The following SYTL5 variants were observed in gnomAD, a reference collection of about 807,000 sequenced individuals.
SYTL5 encodes the protein synaptotagmin like 5.
Under a neutral mutation model 55.9 loss-of-function variants are expected in SYTL5, and 34 were observed. The ratio of observed to expected loss-of-function variants is 0.61; its 90% confidence interval spans 0.46 to 0.81. The LOEUF is 0.81. Ranked by LOEUF, SYTL5 falls within the 30% of genes least tolerant of loss-of-function variation. SYTL5 has a pLI of 0.00. For synonymous variants in SYTL5, 221 were observed against 188.7 expected, an observed-to-expected ratio of 1.17 and a Z score of -1.40; for missense variants, 637 against 546.7, an observed-to-expected ratio of 1.17 and a Z score of -1.65.
chrX:38,035,111 A>G (rs1935065432), intron 2 of SYTL5, among the ~76,000 whole-genome samples: 1 of 112,600 alleles, frequency 8.9e-6, no homozygotes, highest in African/African-American at 3.2e-5. Context: ...TTAAGAGCCC[A>G]GAAGCTTCAT....
intron 2 of SYTL5, among the ~76,000 whole-genome samples, chrX:38,047,863 G>C (rs1234563669): frequency 9.0e-6 from 1 of 111,180 alleles, no homozygotes; most frequent in African/African-American, 3.3e-5. Flanking sequence ...CTCTAGGGCA[G>C]GGGAAAAATG....
intron 5 of SYTL5, among the ~76,000 whole-genome samples, chrX:38,074,148 G>GA (rs1936333083): frequency 1.8e-5 from 2 of 111,357 alleles, no homozygotes; most frequent in African/African-American, 3.3e-5. Flanking sequence ...GCTTCCTTAA[G>GA]AAAAAAAGTC....
chrX:37,993,518 AC>A, the SYTL5 span, among the ~76,000 whole-genome samples: 1 of 112,488 alleles, frequency 8.9e-6, no homozygotes, highest in African/African-American at 3.2e-5. Flanking sequence ...TAAAATCATA[AC>A]ACTCAAACAC....
intron 1 of SYTL5, among the ~76,000 whole-genome samples, chrX:38,008,541 A>G (rs771979746): frequency 8.9e-6 from 1 of 111,869 alleles, no homozygotes; most frequent in East Asian, 2.8e-4. Context: ...CTGAAAGATT[A>G]TCTAAAATAG....
intron 6 of SYTL5, among the ~76,000 whole-genome samples, chrX:38,088,532 T>C (rs1167867516): frequency 8.9e-6 from 1 of 112,347 alleles, no homozygotes; most frequent in African/African-American, 3.2e-5. Context: ...TATGTTGACT[T>C]ATGAAGCTCA....
chrX:38,053,583 G>C (rs73465459), intron 2 of SYTL5, among the ~76,000 whole-genome samples: 11,071 of 111,781 alleles, frequency 0.099, 869 homozygotes, highest in Admixed American at 0.23. Flanking sequence ...GCAGTCTACA[G>C]CCATACCACT....
At chrX:38,020,141 A>G (rs186726375) in intron 1 of SYTL5, among the ~76,000 whole-genome samples, 63 of 110,625 alleles carry the variant, frequency 5.7e-4, no homozygotes, top group African/African-American at 2.0e-3. Context: ...GTAGCCTAGC[A>G]TGATAATTAT....
At chrX:38,023,239 C>T (rs973679755) in intron 1 of SYTL5, among the ~76,000 whole-genome samples, 2 of 112,048 alleles carry the variant, frequency 1.8e-5, no homozygotes, top group African/African-American at 3.2e-5. Flanking sequence ...TCTCCATCTT[C>T]CCTATTGTTT....
rs1370954493 is a variant in SYTL5 at position 38,127,236 on chromosome X, T to G, written c.*506T>G. ...GATTGTCCTGTTATTGCAGCAAACT[T>G]GTGGATTAACCAAGTAGTATTTCAA... On this transcript the variant is annotated 3_prime_UTR_variant, in exon 17 of 17. Coordinates refer to ENST00000297875, the MANE Select transcript of SYTL5 (RefSeq NM_138780.3). The G allele has an allele frequency of 8.9e-6, 1 of 112,421 alleles. No individual in the cohort carries two copies. Among genetic ancestry groups the G allele is most frequent in the Non-Finnish European group, 1.9e-5 (1 of 53,564 alleles). 9.3% of individuals were successfully genotyped at this position (112,421 alleles called of 1,213,427 possible). A position where few individuals can be genotyped will look rare whatever the true frequency, so the allele number is the denominator to read the frequency against.
intron 6 of SYTL5, among the ~76,000 whole-genome samples, chrX:38,083,549 G>A (rs1418461998): frequency 2.7e-5 from 3 of 111,341 alleles, no homozygotes; most frequent in Non-Finnish European, 5.7e-5. Flanking sequence ...AGATATGTGC[G>A]AGTAAGCCAT....
intron 2 of SYTL5, among the ~76,000 whole-genome samples, chrX:38,045,481 G>T (rs773575343): frequency 1.8e-5 from 2 of 111,631 alleles, no homozygotes; most frequent in South Asian, 7.4e-4. Flanking sequence ...GTTTTGTTTT[G>T]TTTTTTGTCA....
intron 2 of SYTL5, among the ~76,000 whole-genome samples, chrX:38,049,672 A>T (rs899808260): frequency 6.3e-5 from 7 of 111,981 alleles, no homozygotes; most frequent in Non-Finnish European, 1.3e-4. Context: ...GACAAAACCT[A>T]ACTGCAAGAA....
intron 13 of SYTL5, among the ~76,000 whole-genome samples, chrX:38,118,177 A>G (rs887018027): frequency 2.7e-5 from 3 of 111,672 alleles, no homozygotes; most frequent in Middle Eastern, 4.6e-3. Flanking sequence ...TGGATAGTCT[A>G]TTTTACCATA....
At chrX:38,050,835 T>C (rs1024403324) in intron 2 of SYTL5, among the ~76,000 whole-genome samples, 3 of 111,825 alleles carry the variant, frequency 2.7e-5, no homozygotes, top group Non-Finnish European at 5.6e-5. Flanking sequence ...AGACACTATT[T>C]GGAACATTGT....
the SYTL5 span, among the ~76,000 whole-genome samples, chrX:37,997,551 T>C: frequency 8.9e-6 from 1 of 112,754 alleles, no homozygotes; most frequent in East Asian, 2.8e-4. Flanking sequence ...GGTGTGCACA[T>C]GCTTGGGGCA....
intron 2 of SYTL5, among the ~76,000 whole-genome samples, chrX:38,036,319 A>G (rs1265775567): frequency 1.8e-5 from 2 of 110,525 alleles, no homozygotes; most frequent in Non-Finnish European, 3.8e-5. Context: ...AAATAATAAT[A>G]ATAACAATTA....
the SYTL5 span, among the ~76,000 whole-genome samples, chrX:37,963,145 CTT>C: frequency 1.8e-5 from 2 of 111,235 alleles, no homozygotes; most frequent in African/African-American, 3.3e-5. Context: ...TTATTTAAAA[CTT>C]AAGTTTATTT....
chrX:37,955,593 G>A, the SYTL5 span, among the ~76,000 whole-genome samples: 1 of 111,893 alleles, frequency 8.9e-6, no homozygotes, highest in Admixed American at 9.5e-5. Flanking sequence ...TTTTCTGACT[G>A]GGGAAAATGC....
chrX:38,024,881 A>G (rs1252407015), intron 1 of SYTL5, among the ~76,000 whole-genome samples: 1 of 111,955 alleles, frequency 8.9e-6, no homozygotes, highest in Non-Finnish European at 1.9e-5. Context: ...TGGCACTCCC[A>G]TATAATGTAC....
Sources: allele counts gnomAD v4.1 joint callset (sites outside exome capture counted in the v4.1 genomes callset), GRCh38; gene constraint gnomAD v4.1.1; transcripts MANE v1.5; gene names NCBI Gene and HGNC (gene_info 2026-07-23, HGNC 2026-07-21).